Variants in PKIB observed in about 807,000 individuals in gnomAD.
PKIB encodes cAMP-dependent protein kinase inhibitor beta.
A neutral mutation model predicts 4.5 loss-of-function variants in PKIB; 2 were observed. The observed-to-expected ratio is 0.44, with a 90% confidence interval of 0.18 to 1.39. PKIB has a LOEUF of 1.39. PKIB is among the 40% of genes most tolerant of loss of function. The pLI is 0.27. For synonymous variants in PKIB, 38 were observed against 36.0 expected, an observed-to-expected ratio of 1.06 and a Z score of -0.20; for missense variants, 94 against 92.6, an observed-to-expected ratio of 1.02 and a Z score of -0.06.
chr6:122,550,510 A>T (rs1772647150), intron 2 of PKIB, among the ~76,000 whole-genome samples: 1 of 152,086 alleles, frequency 6.6e-6, no homozygotes, highest in Non-Finnish European at 1.5e-5. Flanking sequence ...TTCATAAATG[A>T]AAAAGAATTC....
intron 2 of PKIB, chr6:122,481,219 A>G (rs572156058): frequency 6.6e-6 from 1 of 152,212 alleles, no homozygotes. Flanking sequence ...CATTTTTGCC[A>G]AAAACATATA....
At chr6:122,579,312 C>T (rs183843960) in intron 2 of PKIB, among the ~76,000 whole-genome samples, 46 of 152,214 alleles carry the variant, frequency 3.0e-4, no homozygotes, top group Non-Finnish European at 6.2e-4. Flanking sequence ...ATTGTGTTTG[C>T]GGTGCATGGA....
At chr6:122,550,728 T>G (rs947659297) in intron 2 of PKIB, among the ~76,000 whole-genome samples, 3 of 152,246 alleles carry the variant, frequency 2.0e-5, no homozygotes, top group Admixed American at 1.3e-4. Flanking sequence ...TGCAAAAAAT[T>G]TCATTGATTT....
intron 2 of PKIB, among the ~76,000 whole-genome samples, chr6:122,566,105 A>T (rs914149828): frequency 6.6e-5 from 10 of 152,086 alleles, no homozygotes; most frequent in African/African-American, 2.2e-4. Context: ...CTTGGGTCAC[A>T]TGCCCAATCC....
chr6:122,708,702 C>T (rs1459593981), intron 3 of PKIB, among the ~76,000 whole-genome samples: 1 of 152,134 alleles, frequency 6.6e-6, no homozygotes, highest in Non-Finnish European at 1.5e-5. Flanking sequence ...AGCGTGATCT[C>T]AGGTCACTGC....
intron 2 of PKIB, among the ~76,000 whole-genome samples, chr6:122,510,097 G>T (rs1776536344): frequency 6.6e-6 from 1 of 151,970 alleles, no homozygotes; most frequent in Non-Finnish European, 1.5e-5. Context: ...GGTTTTTAAA[G>T]AATTTTTTTA....
At chr6:122,649,370 TGTA>T (rs1411442557) in intron 2 of PKIB, among the ~76,000 whole-genome samples, 1 of 152,196 alleles carries the variant, frequency 6.6e-6, no homozygotes, top group East Asian at 1.9e-4. Context: ...AGAAAGGGGT[TGTA>T]GTGCAATCAC....
intron 3 of PKIB, among the ~76,000 whole-genome samples, chr6:122,685,496 T>A (rs1778059096): frequency 1.3e-5 from 2 of 152,102 alleles, no homozygotes; most frequent in African/African-American, 4.8e-5. Flanking sequence ...CTTTTTAAAA[T>A]TAATTAATTA....
intron 2 of PKIB, among the ~76,000 whole-genome samples, chr6:122,538,303 T>C (rs1029611914): frequency 3.9e-5 from 6 of 152,292 alleles, no homozygotes; most frequent in Admixed American, 3.9e-4. Context: ...AGGGTTTTTA[T>C]GATTTTAGAT....
intron 2 of PKIB, chr6:122,480,422 T>G (rs547578235): frequency 1.3e-5 from 2 of 152,330 alleles, no homozygotes; most frequent in South Asian, 4.1e-4. Flanking sequence ...TTTTCAATTC[T>G]GATTTTATGC....
intron 2 of PKIB, among the ~76,000 whole-genome samples, chr6:122,501,608 G>A (rs112536940): frequency 2.6e-5 from 4 of 152,278 alleles, no homozygotes; most frequent in African/African-American, 9.6e-5. Context: ...TGGGATGCAG[G>A]GTGCCATGTC....
At chr6:122,698,949 A>G (rs1778687055) in intron 3 of PKIB, among the ~76,000 whole-genome samples, 2 of 152,340 alleles carry the variant, frequency 1.3e-5, no homozygotes, top group East Asian at 1.9e-4. Flanking sequence ...ACTTTGTACT[A>G]TGTGTGAAAT....
At chr6:122,504,556 T>C (rs1366504967) in intron 2 of PKIB, among the ~76,000 whole-genome samples, 1 of 152,254 alleles carries the variant, frequency 6.6e-6, no homozygotes. Context: ...TTTTCTCTGA[T>C]TTTAGCATGT....
chr6:122,703,662 A>G (rs1488076093), intron 3 of PKIB, among the ~76,000 whole-genome samples: 1 of 151,870 alleles, frequency 6.6e-6, no homozygotes, highest in Non-Finnish European at 1.5e-5. Flanking sequence ...ATAGTGAACT[A>G]TATACACTTA....
At chr6:122,680,254 A>C (rs1398860907) in intron 3 of PKIB, among the ~76,000 whole-genome samples, 1 of 152,240 alleles carries the variant, frequency 6.6e-6, no homozygotes, top group Non-Finnish European at 1.5e-5. Flanking sequence ...GGTTCAAAAA[A>C]GTATGGATTG....
chr6:122,613,789 C>A (rs1018515857), intron 1 of PKIB, among the ~76,000 whole-genome samples: 50 of 151,822 alleles, frequency 3.3e-4, no homozygotes, highest in African/African-American at 1.1e-3. Flanking sequence ...CATGGTGAAA[C>A]CCCGTCTCTC....
chr6:122,483,988 A>G (rs1775693668), intron 2 of PKIB: 1 of 152,180 alleles, frequency 6.6e-6, no homozygotes, highest in African/African-American at 2.4e-5. Context: ...CATAGCTAGG[A>G]TAGAATACAT....
At chr6:122,668,859 T>A (rs1472800635) in intron 2 of PKIB, among the ~76,000 whole-genome samples, 2 of 152,234 alleles carry the variant, frequency 1.3e-5, no homozygotes, top group African/African-American at 4.8e-5. Context: ...CACCATATCT[T>A]CCAATGAAAC....
At chr6:122,631,534 A>G (rs1775701850) in intron 1 of PKIB, among the ~76,000 whole-genome samples, 1 of 152,190 alleles carries the variant, frequency 6.6e-6, no homozygotes, top group South Asian at 2.1e-4. Context: ...AAGCAAGTTT[A>G]TACTTCTGCA....
Sources: allele counts gnomAD v4.1 joint callset (sites outside exome capture counted in the v4.1 genomes callset), GRCh38; gene constraint gnomAD v4.1.1; transcripts MANE v1.5; gene names NCBI Gene and HGNC (gene_info 2026-07-23, HGNC 2026-07-21).